The following RPL10 variants were observed in gnomAD, a reference collection of about 807,000 sequenced individuals.
RPL10 encodes large ribosomal subunit protein uL16.
In RPL10, 1 loss-of-function variant was observed where a neutral mutation model predicts 15.7. The ratio of observed to expected loss-of-function variants is 0.06; its 90% CI spans 0.02 to 0.30. RPL10 has a LOEUF of 0.30. RPL10 is among the 10% of genes least tolerant of loss of function. RPL10 has a pLI of 1.00. For missense variants in RPL10, 54 were observed against 183.4 expected (o/e 0.29, Z 4.08); for synonymous variants, 59 against 64.0 (o/e 0.92, Z 0.37).
Position 154,401,043 on chromosome X carries a change from G to A in RPL10, c.*189G>A. ...TCATGAGGCAGCAAACCCTGCAAAGGGCTGGGACTGGTGGCCTTATGTCAG... is the reference window on the plus strand; with the variant it reads ...TCATGAGGCAGCAAACCCTGCAAAGAGCTGGGACTGGTGGCCTTATGTCAG... On this transcript the variant is annotated 3_prime_UTR_variant, in exon 7 of 7. Coordinates refer to ENST00000369817, the MANE Select transcript of RPL10 (RefSeq NM_006013.5). 1.8e-6 allele frequency: 2 copies of A among 1,130,849 alleles called. No individual in the cohort carries two copies. The highest frequency in any genetic ancestry group is 2.4e-6 in the Non-Finnish European group (2 of 850,759). The allele number at this position is 1,130,849 out of a possible 1,213,427, so 93.2% of individuals were successfully genotyped here.
Position 154,400,943 on chromosome X carries a change from G to T in RPL10, c.*89G>T. ...TGTCTTTGTATCTACATTCTTGACGGGGAAGGAACTTCCTCTGGGAACCTT... is the reference window on the plus strand; with the variant it reads ...TGTCTTTGTATCTACATTCTTGACGTGGAAGGAACTTCCTCTGGGAACCTT... On this transcript the variant is annotated 3_prime_UTR_variant, in exon 7 of 7. Coordinates refer to ENST00000369817, the MANE Select transcript of RPL10 (RefSeq NM_006013.5). 2.5e-6 allele frequency: 3 copies of T among 1,194,224 alleles called. No individual in the cohort carries two copies. The highest frequency in any genetic ancestry group is 3.4e-6 in the Non-Finnish European group (3 of 886,517).
In RPL10 at chrX:154,399,529, A is replaced by C; in HGVS notation, c.125A>C (p.Lys42Thr). The change falls in exon 4 of 7, where the codon AAA (lysine) becomes ACA (threonine). Residue 42 changes from lysine to threonine, a missense_variant. Coordinates refer to ENST00000369817, the MANE Select transcript of RPL10 (RefSeq NM_006013.5). The part of the protein sequence containing the change: ...RIFDLGRKKA[K>T]VDEFPLCGHM... ...TTTGACCTGGGGCGGAAAAAGGCAA[A>C]AGTGGATGAGTTTCCGCTTTGTGGC... 1 of 1,211,814 alleles carries C rather than the reference A, an allele frequency of 8.3e-7. No homozygotes were observed. Among genetic ancestry groups the C allele is most frequent in the Non-Finnish European group, 1.1e-6 (1 of 895,552 alleles).
intron 5 of RPL10, 57 bp downstream of exon 5, chrX:154,399,998 A>G (rs1384862989): frequency 1.4e-5 from 17 of 1,188,188 alleles, no homozygotes; most frequent in Non-Finnish European, 1.8e-5. Flanking sequence ...TTAGGCTTGC[A>G]TTATTTTATC....
chrX:154,399,795 C>T lies in RPL10; in HGVS notation c.191-8C>T. On this transcript the variant is annotated splice_region_variant and splice_polypyrimidine_tract_variant and intron_variant, in intron 4 of 6. Transcript: ENST00000369817. The stretch of plus-strand genomic sequence containing the variant: ...TCTCACTTTGCTGCTTTTCTTCTCC[C>T]TACCTAGCCCTGGAGGCTGCCCGAA... 8.3e-7 allele frequency: 1 copy of T among 1,211,071 alleles called. No individual in the cohort carries two copies. Among genetic ancestry groups the T allele is most frequent in the Non-Finnish European group, 1.1e-6 (1 of 895,408 alleles).
intron 2 of RPL10, 23 bp downstream of exon 2, chrX:154,398,565 TTC>T (rs782781525): frequency 8.3e-7 from 1 of 1,210,614 alleles, no homozygotes; most frequent in Admixed American, 2.2e-5. Context: ...TCCGTGTACT[TTC>T]ACTGCTGGGA....
rs782545281 is a variant in RPL10, at chrX:154,399,318, G to GT, written c.24-14dup. On this transcript the variant is annotated intron_variant, in intron 2 of 6. Transcript: ENST00000369817. ...TTTCTGTGAACCTCACCTAACCTGT[G>GT]TTTTTTCACTCCCCTGCAGTTACCG... 8.3e-7 allele frequency: 1 copy of GT among 1,210,278 alleles called. No homozygotes were observed. The highest frequency in any genetic ancestry group is 1.1e-6 in the Non-Finnish European group (1 of 894,370).
upstream of RPL10, chrX:154,398,182 C>T (rs1557184709): frequency 2.3e-6 from 1 of 431,410 alleles, no homozygotes; most frequent in East Asian, 4.5e-5. Flanking sequence ...GTCAGCTGGC[C>T]GCCCGCGGCC....
In RPL10 at chrX:154,402,246, C is replaced by T. The variant is rs2068057550; in HGVS notation, c.*1392C>T. Reference sequence around the variant, plus strand: ...GTTTCAGGGAAGGAGTTTGATATAGCAGATTAACCACCCTCCTTGTAGCTA... The same window carrying T: ...GTTTCAGGGAAGGAGTTTGATATAGTAGATTAACCACCCTCCTTGTAGCTA... On this transcript the variant is annotated 3_prime_UTR_variant, in exon 7 of 7. Transcript: ENST00000369817. The T allele has an allele frequency of 3.1e-5, 4 of 129,371 alleles. No individual in the cohort carries two copies. The highest frequency in any genetic ancestry group is 3.1e-3 in the Middle Eastern group (1 of 321). 10.7% of individuals were successfully genotyped at this position (129,371 alleles called of 1,213,427 possible).
Position 154,399,828 on chromosome X carries a change from C to A in RPL10, c.216C>A (p.Ala72=). 8.3e-7 allele frequency: 1 copy of A among 1,211,592 alleles called. No homozygotes were observed. Among genetic ancestry groups the A allele is most frequent in the Non-Finnish European group, 1.1e-6 (1 of 895,467 alleles). ...SEALEAARIC[A]NKYMVKSCGK... ...CCCTGGAGGCTGCCCGAATTTGTGC[C>A]AATAAGTACATGGTAAAAAGTTGTG... The change falls in exon 5 of 7, where the codon GCC becomes GCA. Residue 72 remains alanine, a synonymous_variant. Transcript: ENST00000369817.
upstream of RPL10, chrX:154,398,151 C>T: frequency 5.1e-6 from 2 of 388,988 alleles, no homozygotes; most frequent in Non-Finnish European, 9.4e-6. Context: ...CTTCTCGCGA[C>T]CATGTGGCGA....
At position 154,398,941 on chromosome X, in the gene RPL10, C is replaced by T. The variant is rs782790638; in HGVS notation, c.24-397C>T. 6 of 358,222 alleles carry T rather than the reference C, an allele frequency of 1.7e-5. No homozygotes were observed. In the East Asian group the frequency reaches 2.7e-4, roughly 16 times the overall value. The allele number at this position is 358,222 out of a possible 1,213,427, so 29.5% of individuals were successfully genotyped here. A position where few individuals can be genotyped will look rare whatever the true frequency, so the allele number is the denominator to read the frequency against. ...TGTGTCCTACAGGGGGCGCCAGACG[C>T]ATTTCCACTCGGCTTGGAGGTGGAT... is the stretch of plus-strand genomic sequence containing the variant. On this transcript the variant is annotated intron_variant, in intron 2 of 6. Transcript: ENST00000369817.
At position 154,402,251 on chromosome X, in the gene RPL10, T is replaced by C. The variant is rs1394613790; in HGVS notation, c.*1397T>C. The C allele has an allele frequency of 3.9e-5, 5 of 129,824 alleles. No individual in the cohort carries two copies. The highest frequency in any genetic ancestry group is 1.6e-4 in the African/African-American group (5 of 31,193). The allele number at this position is 129,824 out of a possible 1,213,427, so 10.7% of individuals were successfully genotyped here. ...AGGGAAGGAGTTTGATATAGCAGAT[T>C]AACCACCCTCCTTGTAGCTATTGGG... On this transcript the variant is annotated 3_prime_UTR_variant, in exon 7 of 7. Coordinates refer to ENST00000369817, the MANE Select transcript of RPL10 (RefSeq NM_006013.5).
chrX:154,399,657 C>G, intron 4 of RPL10, 63 bp downstream of exon 4: 1 of 1,151,243 alleles, frequency 8.7e-7, no homozygotes, highest in African/African-American at 1.8e-5. Context: ...CAACCCCACC[C>G]ACATACACTG....
chrX:154,398,412 T>A lies in RPL10; in HGVS notation c.-24+18T>A, dbSNP rs782293578. On this transcript the variant is annotated intron_variant, in intron 1 of 6. Coordinates refer to ENST00000369817, the MANE Select transcript of RPL10 (RefSeq NM_006013.5). ...TCGGTGTGGTGAGTAAGCGCAGTTG[T>A]CGTCTCTTGCGGTGCCGTTGCTGGT... The A allele has an allele frequency of 2.3e-5, 23 of 1,000,172 alleles. No homozygotes were observed. The highest frequency in any genetic ancestry group is 1.3e-5 in the Non-Finnish European group (9 of 705,716). The allele number at this position is 1,000,172 out of a possible 1,213,427, so 82.4% of individuals were successfully genotyped here. A position where few individuals can be genotyped will look rare whatever the true frequency, so the allele number is the denominator to read the frequency against.
intron 1 of RPL10, 41 bp downstream of exon 1, chrX:154,398,435 G>A: frequency 5.3e-6 from 6 of 1,140,276 alleles, no homozygotes; most frequent in Non-Finnish European, 7.2e-6. Flanking sequence ...TGCCGTTGCT[G>A]GTTCTCACAC....
rs2067990190 is a variant in RPL10 at position 154,399,841 on chromosome X, G to A, written c.229G>A (p.Val77Ile). The change falls in exon 5 of 7, where the codon GTA becomes ATA. Residue 77 changes from valine to isoleucine, a missense_variant. Physicochemically the swap from Val to Ile is conservative, Grantham distance 29 (BLOSUM62 3). This residue lies in a region of RPL10 where 22 missense variants were observed against 73.0 expected (regional missense o/e 0.30). Transcript: ENST00000369817. ...AARICANKYM[V>I]KSCGKDGFHI... is the part of the protein sequence containing the mutation. ...CCGAATTTGTGCCAATAAGTACATG[G>A]TAAAAAGTTGTGGCAAAGATGGCTT... 1 of 1,211,830 alleles carries A rather than the reference G, an allele frequency of 8.3e-7. No individual in the cohort carries two copies. The highest frequency in any genetic ancestry group is 1.1e-6 in the Non-Finnish European group (1 of 895,482).
intron 5 of RPL10, 47 bp downstream of exon 5, chrX:154,399,988 T>C (rs1557185542): frequency 1.7e-6 from 2 of 1,196,761 alleles, no homozygotes; most frequent in Non-Finnish European, 1.1e-6. Flanking sequence ...CTCTACATTA[T>C]TAGGCTTGCA....
At position 154,400,933 on chromosome X, in the gene RPL10, A is replaced by C. The variant is rs782483082; in HGVS notation, c.*79A>C. On this transcript the variant is annotated 3_prime_UTR_variant, in exon 7 of 7. Transcript: ENST00000369817. ...TGTCCACCTATGTCTTTGTATCTACATTCTTGACGGGGAAGGAACTTCCTC... is the reference window on the plus strand; with the variant it reads ...TGTCCACCTATGTCTTTGTATCTACCTTCTTGACGGGGAAGGAACTTCCTC... 6.7e-6 allele frequency: 8 copies of C among 1,200,265 alleles called. No individual in the cohort carries two copies. Among genetic ancestry groups the C allele is most frequent in the Middle Eastern group, 2.3e-4 (1 of 4,331 alleles).
chrX:154,399,227 G>A, intron 2 of RPL10, 111 bp from the exon 3 acceptor site: 1 of 758,684 alleles, frequency 1.3e-6, no homozygotes, highest in Non-Finnish European at 2.1e-6. Flanking sequence ...AAGTGGACGT[G>A]CATTCCCCAC....
Sources: allele counts gnomAD v4.1 joint callset, GRCh38; gene constraint gnomAD v4.1.1; regional missense constraint gnomAD v4.1.1; transcripts MANE v1.5; gene names NCBI Gene and HGNC (gene_info 2026-07-23, HGNC 2026-07-21).